The following JPH2 variants were observed in gnomAD, a reference collection of about 807,000 sequenced individuals.
JPH2 encodes the protein junctophilin-2.
In JPH2, 38 loss-of-function variants were observed where a neutral mutation model predicts 55.9. The observed-to-expected ratio is 0.68, with a 90% confidence interval of 0.52 to 0.89. The LOEUF is 0.89. Ranked by LOEUF, JPH2 falls within the 40% of genes least tolerant of loss-of-function variation. The pLI, the probability that JPH2 is intolerant of heterozygous loss-of-function variation, is 0.00. For synonymous variants in JPH2, 480 were observed against 472.4 expected (o/e 1.02, Z -0.21); for missense variants, 964 against 1,037.6 (o/e 0.93, Z 0.97).
At chr20:44,116,781 G>T (rs1366185409) in intron 3 of JPH2, among the ~76,000 whole-genome samples, 1 of 152,200 alleles carries the variant, frequency 6.6e-6, no homozygotes, top group African/African-American at 2.4e-5. Context: ...AAATACGAAT[G>T]GAAGGATTGA....
chr20:44,160,149 C>T lies in JPH2; in HGVS notation c.638G>A (p.Arg213Gln). 1 of 1,432,176 alleles carries T rather than the reference C, an allele frequency of 7.0e-7. No individual in the cohort carries two copies. Among genetic ancestry groups the T allele is most frequent in the Non-Finnish European group, 9.1e-7 (1 of 1,101,962 alleles). The allele number at this position is 1,432,176 out of a possible 1,614,324, so 88.7% of individuals were successfully genotyped here. A position where few individuals can be genotyped will look rare whatever the true frequency, so the allele number is the denominator to read the frequency against. ...SLLANAEAAA[R>Q]APKGGGLFQR... ...GAAGAGGCCGCCGCCCTTGGGCGCC[C>T]GCGCGGCCGCCTCGGCATTGGCCAG... Residue 213 changes from arginine (R) to glutamine (Q), a missense_variant, in exon 2 of 6, where the codon CGG (arginine) becomes CAG (glutamine). Physicochemically the swap from Arg to Gln is conservative, Grantham distance 43 (BLOSUM62 1). Coordinates refer to ENST00000372980, the MANE Select transcript of JPH2 (RefSeq NM_020433.5). This position sits in a 1 kb window ranked among gnomAD's most constrained non-coding sequence, Gnocchi z 4.9.
In JPH2 at chr20:44,166,268, T is replaced by A. The variant is rs190904094; in HGVS notation, c.380-5861A>T. On this transcript the variant is annotated intron_variant, in intron 1 of 5. Coordinates refer to ENST00000372980, the MANE Select transcript of JPH2 (RefSeq NM_020433.5). ...CTAAGGCCCATCAAGGACAAAGGAC[T>A]CATCCAAGATGACACAGCTAATAAA... is the stretch of plus-strand genomic sequence containing the variant. 1.5e-3 allele frequency among the ~76,000 whole-genome samples: 222 copies of A among 152,324 alleles called. 2 individuals carry two copies. Among genetic ancestry groups the A allele is most frequent in the Non-Finnish European group, 2.6e-3 (175 of 68,026 alleles).
At chr20:44,136,018 CAT>C (rs1260078787) in intron 2 of JPH2, among the ~76,000 whole-genome samples, 1 of 152,196 alleles carries the variant, frequency 6.6e-6, no homozygotes, top group East Asian at 1.9e-4. Flanking sequence ...TCAGTGTACA[CAT>C]GAGAAAACCA....
In JPH2 at chr20:44,161,503, G is replaced by A. The variant is rs568296405; in HGVS notation, c.380-1096C>T. On this transcript the variant is annotated intron_variant, in intron 1 of 5. Coordinates refer to ENST00000372980, the MANE Select transcript of JPH2 (RefSeq NM_020433.5). ...CCAGATCCTGCCTCTGCCCTTACTA[G>A]CTGTGTGACCTTGGGCAACTGACTT... Among the ~76,000 whole-genome samples the A allele has an allele frequency of 3.3e-5, 5 of 152,238 alleles. No homozygotes were observed. The South Asian group carries it at 1.0e-3, about 32-fold the overall frequency.
At position 44,159,824 on chromosome 20, in the gene JPH2, G is replaced by T; in HGVS notation, c.963C>A (p.Asn321Lys). 1 of 1,613,424 alleles carries T rather than the reference G, an allele frequency of 6.2e-7. No individual in the cohort carries two copies. Among genetic ancestry groups the T allele is most frequent in the Non-Finnish European group, 8.5e-7 (1 of 1,179,902 alleles). The change falls in exon 2 of 6, where the codon AAC (asparagine) becomes AAA (lysine). Residue 321 changes from asparagine to lysine, a missense_variant. Coordinates refer to ENST00000372980, the MANE Select transcript of JPH2 (RefSeq NM_020433.5). This position sits in a 1 kb window ranked among gnomAD's most constrained non-coding sequence, Gnocchi z 5.7. Reference protein sequence around the residue: ...GLRYEGEWLDNLRHGYGCTTL... With the variant: ...GLRYEGEWLDKLRHGYGCTTL... ...TGGTGCAGCCATAGCCGTGGCGCAG[G>T]TTGTCCAGCCACTCGCCCTCGTAGC... is the stretch of plus-strand genomic sequence containing the variant.
chr20:44,172,510 C>T (rs1238473043), intron 1 of JPH2, among the ~76,000 whole-genome samples: 4 of 151,980 alleles, frequency 2.6e-5, no homozygotes, highest in Non-Finnish European at 4.4e-5. Context: ...TGTTTCGTTT[C>T]GAGACAGAGT....
intron 1 of JPH2, among the ~76,000 whole-genome samples, chr20:44,162,787 TAC>T (rs765198116): frequency 0.083 from 3,272 of 39,346 alleles, 90 homozygotes; most frequent in South Asian, 0.16. Context: ...TATATATATA[TAC>T]ACACACACAC....
intron 2 of JPH2, among the ~76,000 whole-genome samples, chr20:44,152,658 C>CCTCTT (rs764290072): frequency 4.7e-4 from 71 of 152,338 alleles, no homozygotes; most frequent in Non-Finnish European, 8.7e-4. Context: ...CTCCCTGAGA[C>CCTCTT]CTGGTCCAGT....
chr20:44,148,603 G>T (rs2072508864), intron 2 of JPH2, among the ~76,000 whole-genome samples: 1 of 152,204 alleles, frequency 6.6e-6, no homozygotes, highest in Non-Finnish European at 1.5e-5. Flanking sequence ...GACCCGAGCT[G>T]CCGCGTGGCC....
intron 2 of JPH2, among the ~76,000 whole-genome samples, chr20:44,147,311 G>A (rs1426175741): frequency 1.3e-5 from 2 of 152,154 alleles, no homozygotes; most frequent in Non-Finnish European, 2.9e-5. Flanking sequence ...TGTTCACTGC[G>A]GCCTCACTGG....
At chr20:44,183,189 C>A (rs1304737315) in intron 1 of JPH2, among the ~76,000 whole-genome samples, 1 of 152,220 alleles carries the variant, frequency 6.6e-6, no homozygotes, top group Non-Finnish European at 1.5e-5. Flanking sequence ...GCTGTATAAG[C>A]ACTCAAGGAT....
At chr20:44,120,733 A>G (rs772743050) in intron 2 of JPH2, among the ~76,000 whole-genome samples, 39 of 152,218 alleles carry the variant, frequency 2.6e-4, no homozygotes, top group Non-Finnish European at 1.3e-4. Flanking sequence ...GATAGCTGAT[A>G]AGCTTAAAAA....
chr20:44,143,040 C>G (rs2072468608), intron 2 of JPH2, among the ~76,000 whole-genome samples: 1 of 152,086 alleles, frequency 6.6e-6, no homozygotes, highest in African/African-American at 2.4e-5. Flanking sequence ...AACAGTCAAG[C>G]TGAGTGAAGC....
In JPH2 at chr20:44,186,643, TC is replaced by T. The variant is rs1206579645; in HGVS notation, c.62del (p.Gly21GlufsTer54). 6.2e-7 allele frequency: 1 copy of T among 1,608,896 alleles called. No individual in the cohort carries two copies. Among genetic ancestry groups the T allele is most frequent in the Non-Finnish European group, 8.5e-7 (1 of 1,179,390 alleles). ...TGCACAGTCCATGCCCATGGGCCTT[TC>T]CCCCCTCCCAGCCCCCGCAGTACGC... is the stretch of plus-strand genomic sequence containing the variant. ...GGAYCGGWEG[G>X]KAHGHGLCTG... On this transcript the variant is annotated frameshift_variant, in exon 1 of 6. Coordinates refer to ENST00000372980, the MANE Select transcript of JPH2 (RefSeq NM_020433.5). LOFTEE classifies it high-confidence loss of function.
At chr20:44,179,929 A>G (rs2072766284) in intron 1 of JPH2, among the ~76,000 whole-genome samples, 1 of 152,228 alleles carries the variant, frequency 6.6e-6, no homozygotes, top group Non-Finnish European at 1.5e-5. Context: ...AGGTTTAAAC[A>G]ATACAACAGG....
In JPH2 at chr20:44,108,113, C is replaced by G. The variant is rs2072118864; in HGVS notation, c.*5405G>C. 6.6e-6 allele frequency among the ~76,000 whole-genome samples: 1 copy of G among 152,186 alleles called. No individual in the cohort carries two copies. The highest frequency in any genetic ancestry group is 1.5e-5 in the Non-Finnish European group (1 of 68,030). On this transcript the variant is annotated 3_prime_UTR_variant, in exon 6 of 6. Transcript: ENST00000372980. The stretch of plus-strand genomic sequence containing the variant: ...GAAATGATTCAATCAATCACCTCTA[C>G]ATAATGAAGTCCCAATAAAAACTCT...
chr20:44,160,523 A>T lies in JPH2; in HGVS notation c.380-116T>A. Reference sequence around the variant, plus strand: ...AGGCGGGGTGGGACCGAGAGGCGCAAGGCCGTCTGAGGGTCAGGGTGCACA... The same window carrying T: ...AGGCGGGGTGGGACCGAGAGGCGCATGGCCGTCTGAGGGTCAGGGTGCACA... On this transcript the variant is annotated intron_variant, in intron 1 of 5. Coordinates refer to ENST00000372980, the MANE Select transcript of JPH2 (RefSeq NM_020433.5). The surrounding 1 kb of genome is among the most constrained non-coding windows in gnomAD (Gnocchi z 4.9). The T allele has an allele frequency of 9.9e-7, 1 of 1,007,450 alleles. No homozygotes were observed. The allele number at this position is 1,007,450 out of a possible 1,614,324, so 62.4% of individuals were successfully genotyped here.
At chr20:44,138,463 C>T (rs887475754) in intron 2 of JPH2, among the ~76,000 whole-genome samples, 2 of 152,170 alleles carry the variant, frequency 1.3e-5, no homozygotes, top group African/African-American at 4.8e-5. Flanking sequence ...CCTGAAGCCT[C>T]AACTTCCTGG....
chr20:44,124,208 C>T (rs1042067454), intron 2 of JPH2, among the ~76,000 whole-genome samples: 2 of 152,138 alleles, frequency 1.3e-5, no homozygotes, highest in African/African-American at 2.4e-5. Context: ...ACCCTGGCCT[C>T]CTTTCCCCAT....
Sources: gnomAD v4.1 joint callset for allele counts (sites outside exome capture counted in the v4.1 genomes callset) on GRCh38, gnomAD v4.1.1 for gene constraint, Gnocchi (gnomAD v3.1) non-coding constraint, MANE v1.5 for transcripts, NCBI Gene and HGNC (gene_info 2026-07-23, HGNC 2026-07-21) for gene names.